The following CD9 variants were observed in gnomAD, a reference collection of about 807,000 sequenced individuals.
CD9 encodes CD9 antigen.
CD9 carries 10 observed loss-of-function variants against 31.4 expected under a neutral mutation model. The observed-to-expected ratio is 0.32, with a 90% CI of 0.20 to 0.54. The LOEUF (loss-of-function observed/expected upper bound fraction) is 0.54, where lower values mean the gene tolerates loss of function less well. Ranked by LOEUF, CD9 falls within the 20% of genes least tolerant of loss-of-function variation. CD9 has a pLI of 0.94. For missense variants in CD9, 259 were observed against 300.1 expected (o/e 0.86, Z 1.01); for synonymous variants, 113 against 114.1 (o/e 0.99, Z 0.06).
intron 1 of CD9, among the ~76,000 whole-genome samples, chr12:6,209,441 G>A (rs149076015): frequency 1.4e-4 from 21 of 152,266 alleles, no homozygotes; most frequent in East Asian, 7.7e-4. Flanking sequence ...TCCTAGAGAC[G>A]GGAGGCCCTT....
At chr12:6,228,915 C>T (rs1283693556) in intron 2 of CD9, among the ~76,000 whole-genome samples, 2 of 152,222 alleles carry the variant, frequency 1.3e-5, no homozygotes, top group Non-Finnish European at 2.9e-5. Context: ...CTGAACAGCC[C>T]AGGGGTGTCT....
intron 7 of CD9, chr12:6,236,572 G>A (rs867448274): frequency 1.1e-5 from 5 of 472,750 alleles, no homozygotes; most frequent in East Asian, 6.4e-5. Context: ...GCTAGTCCTC[G>A]GAGCATGTCT....
At chr12:6,215,928 T>G (rs1231484051) in intron 1 of CD9, among the ~76,000 whole-genome samples, 1 of 152,226 alleles carries the variant, frequency 6.6e-6, no homozygotes, top group Non-Finnish European at 1.5e-5. Flanking sequence ...GTGGTGGAGC[T>G]GGATAAGGGA....
In CD9 at chr12:6,232,895, G is replaced by C. The variant is rs778567958; in HGVS notation, c.273+166G>C. On this transcript the variant is annotated intron_variant, in intron 3 of 7. Coordinates refer to ENST00000009180, the MANE Select transcript of CD9 (RefSeq NM_001769.4). This position sits in a 1 kb window ranked among gnomAD's most constrained non-coding sequence, Gnocchi z 4.8. ...GGGCCCCTCCCCGATGTGAGGCGTC[G>C]CCCCTCTTCCTTTCTGGAGCCTGTC... The C allele has an allele frequency of 9.9e-6, 7 of 703,934 alleles. No homozygotes were observed. The highest frequency in any genetic ancestry group is 1.8e-5 in the Non-Finnish European group (7 of 385,980). The allele number at this position is 703,934 out of a possible 1,614,324, so 43.6% of individuals were successfully genotyped here.
chr12:6,237,956 A>G lies in CD9; in HGVS notation c.*128A>G, dbSNP rs1267596713. On this transcript the variant is annotated 3_prime_UTR_variant, in exon 8 of 8. Coordinates refer to ENST00000009180, the MANE Select transcript of CD9 (RefSeq NM_001769.4). ...CCACTAATTTTAGTATTCATTCTGC[A>G]TTGCTAGATAAAAGCTGAAGTTACT... The G allele has an allele frequency of 1.9e-5, 12 of 625,496 alleles. No individual in the cohort carries two copies. The highest frequency in any genetic ancestry group is 3.2e-5 in the Non-Finnish European group (11 of 348,618). 38.7% of individuals were successfully genotyped at this position (625,496 alleles called of 1,614,324 possible).
At chr12:6,211,088 G>A (rs1052483694) in intron 1 of CD9, among the ~76,000 whole-genome samples, 1 of 151,960 alleles carries the variant, frequency 6.6e-6, no homozygotes. Flanking sequence ...CTCCCGCCTT[G>A]GCCTCCCAAA....
intron 2 of CD9, among the ~76,000 whole-genome samples, chr12:6,227,281 C>G (rs577195257): frequency 6.6e-6 from 1 of 152,218 alleles, no homozygotes; most frequent in Admixed American, 6.5e-5. Context: ...TCACCGCAAC[C>G]TCTGCCTCCC....
In CD9 at chr12:6,200,462, C is replaced by T; in HGVS notation, c.-38C>T. On this transcript the variant is annotated 5_prime_UTR_variant, in exon 1 of 8. Transcript: ENST00000009180. ...GTCCCAGCTGCGCGCGCCCCCCAGT[C>T]CCGCACCCGTTCGGCCCAGGCTAAG... is the stretch of plus-strand genomic sequence containing the variant. 6.6e-7 allele frequency: 1 copy of T among 1,505,506 alleles called. No individual in the cohort carries two copies. The highest frequency in any genetic ancestry group is 1.1e-5 in the South Asian group (1 of 88,430). 93.3% of individuals were successfully genotyped at this position (1,505,506 alleles called of 1,614,324 possible). A position where few individuals can be genotyped will look rare whatever the true frequency, so the allele number is the denominator to read the frequency against.
chr12:6,215,215 C>T (rs1289587461), intron 1 of CD9, among the ~76,000 whole-genome samples: 2 of 152,194 alleles, frequency 1.3e-5, no homozygotes, highest in Non-Finnish European at 2.9e-5. Flanking sequence ...CAAAGCACCT[C>T]CAGCTCAGAG....
rs1407737940 is a variant in CD9 at position 6,238,214 on chromosome 12, C to G, written c.*386C>G. On this transcript the variant is annotated 3_prime_UTR_variant, in exon 8 of 8. Transcript: ENST00000009180. Reference sequence around the variant, plus strand: ...TCTATCAACTTTAATCAAGTTGTAACTTATATTGAAGACAATTTGATACAT... The same window carrying G: ...TCTATCAACTTTAATCAAGTTGTAAGTTATATTGAAGACAATTTGATACAT... 1 of 160,180 alleles carries G rather than the reference C, an allele frequency of 6.2e-6. No homozygotes were observed. Among genetic ancestry groups the G allele is most frequent in the African/African-American group, 2.4e-5 (1 of 41,544 alleles). 9.9% of individuals were successfully genotyped at this position (160,180 alleles called of 1,614,324 possible). A position where few individuals can be genotyped will look rare whatever the true frequency, so the allele number is the denominator to read the frequency against.
chr12:6,200,388 A>G (rs2136593329), upstream of CD9: 1 of 679,422 alleles, frequency 1.5e-6, no homozygotes, highest in East Asian at 2.8e-5. Flanking sequence ...GTGCAGCCGG[A>G]GACCAGCCTA....
At chr12:6,205,040 G>A (rs1253252874) in intron 1 of CD9, among the ~76,000 whole-genome samples, 2 of 152,230 alleles carry the variant, frequency 1.3e-5, no homozygotes, top group African/African-American at 4.8e-5. Context: ...GGCAGGGCAT[G>A]GACAAGTTGG....
At chr12:6,213,882 A>C (rs150455006) in intron 1 of CD9, among the ~76,000 whole-genome samples, 1 of 152,288 alleles carries the variant, frequency 6.6e-6, no homozygotes, top group East Asian at 1.9e-4. Context: ...CAACACCCCA[A>C]ATTGAAAGCA....
intron 1 of CD9, among the ~76,000 whole-genome samples, chr12:6,213,988 C>T (rs930118157): frequency 1.3e-5 from 2 of 152,228 alleles, no homozygotes; most frequent in African/African-American, 4.8e-5. Context: ...AAGCCTCCCA[C>T]TTGTCCCCCA....
At chr12:6,236,136 A>AGGTGC (rs1321029110) in intron 6 of CD9, 56 bp from the exon 7 acceptor site, 6 of 1,604,832 alleles carry the variant, frequency 3.7e-6, no homozygotes, top group Non-Finnish European at 3.4e-6. Flanking sequence ...GGGAGGGAGG[A>AGGTGC]GGTGCCCTGG....
At chr12:6,224,766 C>A (rs1163968796) in intron 1 of CD9, among the ~76,000 whole-genome samples, 2 of 152,168 alleles carry the variant, frequency 1.3e-5, no homozygotes, top group African/African-American at 2.4e-5. Context: ...GCATCTAGTT[C>A]AGCAGTGCCA....
intron 1 of CD9, among the ~76,000 whole-genome samples, chr12:6,214,245 G>C (rs1021805441): frequency 6.6e-6 from 1 of 151,988 alleles, no homozygotes; most frequent in Admixed American, 6.6e-5. Flanking sequence ...GTAATGTGTC[G>C]GGGGCGTGGG....
chr12:6,211,088 G>T (rs1052483694), intron 1 of CD9, among the ~76,000 whole-genome samples: 10 of 152,078 alleles, frequency 6.6e-5, no homozygotes, highest in African/African-American at 1.9e-4. Flanking sequence ...CTCCCGCCTT[G>T]GCCTCCCAAA....
At chr12:6,221,370 A>C (rs1249337721) in intron 1 of CD9, among the ~76,000 whole-genome samples, 1 of 152,164 alleles carries the variant, frequency 6.6e-6, no homozygotes, top group African/African-American at 2.4e-5. Flanking sequence ...CCAGCTGGGC[A>C]TACTACAGGT....
Sources: gnomAD v4.1 joint callset for allele counts (sites outside exome capture counted in the v4.1 genomes callset) on GRCh38, gnomAD v4.1.1 for gene constraint, Gnocchi (gnomAD v3.1) non-coding constraint, MANE v1.5 for transcripts, NCBI Gene and HGNC (gene_info 2026-07-23, HGNC 2026-07-21) for gene names.